Variants in KIF4A observed in about 807,000 individuals in gnomAD.
The protein encoded by KIF4A is kinesin family member 4A.
KIF4A carries 7 observed loss-of-function variants against 105.9 expected under a neutral mutation model. The observed-to-expected ratio is 0.07, with a 90% confidence interval of 0.04 to 0.12. The LOEUF (loss-of-function observed/expected upper bound fraction) is 0.12, where lower values mean the gene tolerates loss of function less well. KIF4A is among the 10% of genes least tolerant of loss of function. The probability of loss-of-function intolerance (pLI) is 1.00; values close to 1 mark genes in which losing one functional copy is unlikely to be tolerated. For synonymous variants in KIF4A, 281 were observed against 331.3 expected (o/e 0.85, Z 1.65); for missense variants, 558 against 929.2 (o/e 0.60, Z 5.19).
At chrX:70,299,454 T>C (rs1371349578) in intron 5 of KIF4A, among the ~76,000 whole-genome samples, 1 of 111,485 alleles carries the variant, frequency 9.0e-6, no homozygotes, top group African/African-American at 3.3e-5. Flanking sequence ...TTAAATATTA[T>C]TTACAGAGTT....
At chrX:70,332,421 C>A (rs984058223) in intron 9 of KIF4A, among the ~76,000 whole-genome samples, 1 of 111,643 alleles carries the variant, frequency 9.0e-6, no homozygotes, top group African/African-American at 3.3e-5. Context: ...TGGTGACATG[C>A]AGCTCGTTTG....
intron 22 of KIF4A, chrX:70,396,513 T>G (rs1446229782): frequency 8.8e-6 from 1 of 113,590 alleles, no homozygotes; most frequent in Non-Finnish European, 1.8e-5. Flanking sequence ...CCATGCTTTT[T>G]ACAATACAGC....
chrX:70,297,428 A>T (rs1459732008), intron 4 of KIF4A, among the ~76,000 whole-genome samples: 4 of 112,223 alleles, frequency 3.6e-5, no homozygotes, highest in Non-Finnish European at 1.9e-5. Flanking sequence ...GGTGATAGGA[A>T]TTCTTTAATT....
At chrX:70,321,937 C>G (rs2085891903) in intron 7 of KIF4A, among the ~76,000 whole-genome samples, 1 of 110,622 alleles carries the variant, frequency 9.0e-6, no homozygotes, top group Non-Finnish European at 1.9e-5. Context: ...CTCTGTGATG[C>G]TACCCTCTCC....
chrX:70,313,312 C>T (rs112118049), intron 7 of KIF4A, among the ~76,000 whole-genome samples: 1 of 111,973 alleles, frequency 8.9e-6, no homozygotes, highest in Non-Finnish European at 1.9e-5. Flanking sequence ...GTTTTCCATC[C>T]CTATCTTACA....
At chrX:70,370,204 A>T (rs973475033) in intron 15 of KIF4A, among the ~76,000 whole-genome samples, 1 of 110,796 alleles carries the variant, frequency 9.0e-6, no homozygotes, top group Admixed American at 9.7e-5. Context: ...CTCAGAATGT[A>T]TTCCTGTTAT....
Position 70,407,063 on chromosome X carries a change from G to A in KIF4A, c.3243G>A (p.Lys1081=), listed in dbSNP as rs2086303127. 1 of 1,190,147 alleles carries A rather than the reference G, an allele frequency of 8.4e-7. No individual in the cohort carries two copies. Among genetic ancestry groups the A allele is most frequent in the Admixed American group, 2.3e-5 (1 of 42,792 alleles). ...CAAAATTAGTTAAGGTGTCCAGGAA[G>A]AACATCCAAGGGGTAGGAGCCAGCT... The part of the protein sequence containing the change: ...KPTKLVKVSR[K]NIQGCSCKGW... The change falls in exon 28 of 31, where the codon AAG becomes AAA. Residue 1081 remains lysine (K), a synonymous_variant. Transcript: ENST00000374403.
intron 15 of KIF4A, among the ~76,000 whole-genome samples, chrX:70,366,064 G>A (rs1203799938): frequency 9.0e-6 from 1 of 111,706 alleles, no homozygotes; most frequent in African/African-American, 3.3e-5. Flanking sequence ...ATGGTAGTTT[G>A]TATTTCTGTG....
At chrX:70,371,956 C>A (rs1468630599) in intron 15 of KIF4A, among the ~76,000 whole-genome samples, 3 of 106,654 alleles carry the variant, frequency 2.8e-5, no homozygotes, top group Admixed American at 9.8e-5. Flanking sequence ...CGCTCCTCAC[C>A]TCCCAGACGG....
chrX:70,366,029 A>G (rs1199399), intron 15 of KIF4A, among the ~76,000 whole-genome samples: 13,951 of 111,069 alleles, frequency 0.13, 1,424 homozygotes, highest in African/African-American at 0.34. Flanking sequence ...GTTTATTTGC[A>G]TAGAGGTGTT....
intron 13 of KIF4A, among the ~76,000 whole-genome samples, chrX:70,350,893 T>C (rs1345323988): frequency 8.9e-6 from 1 of 111,985 alleles, no homozygotes; most frequent in Non-Finnish European, 1.9e-5. Flanking sequence ...TCCCAGGGCT[T>C]TGAAGAATCA....
intron 10 of KIF4A, among the ~76,000 whole-genome samples, chrX:70,338,021 A>G (rs1490850873): frequency 9.0e-6 from 1 of 111,625 alleles, no homozygotes; most frequent in Non-Finnish European, 1.9e-5. Flanking sequence ...GGTGTGTGTT[A>G]CAGATAATTT....
chrX:70,399,636 ATTTTAATATGAG>A (rs2086272846), intron 22 of KIF4A, among the ~76,000 whole-genome samples: 1 of 109,220 alleles, frequency 9.2e-6, no homozygotes, highest in African/African-American at 3.3e-5. Context: ...AGACTGATGA[ATTTTAATATGAG>A]AGAATATAAA....
At chrX:70,369,736 C>CAT (rs746184155) in intron 15 of KIF4A, among the ~76,000 whole-genome samples, 84 of 110,259 alleles carry the variant, frequency 7.6e-4, no homozygotes, top group Non-Finnish European at 1.1e-3. Context: ...TACAGAATAA[C>CAT]ATATATATAT....
At chrX:70,296,082 G>A (rs866387311) in intron 3 of KIF4A, among the ~76,000 whole-genome samples, 1 of 33,395 alleles carries the variant, frequency 3.0e-5, no homozygotes, top group Non-Finnish European at 5.1e-5. Flanking sequence ...AATAAATGAT[G>A]CTTTTTTTTT....
At chrX:70,348,277 C>G (rs2086002433) in intron 13 of KIF4A, among the ~76,000 whole-genome samples, 4 of 111,104 alleles carry the variant, frequency 3.6e-5, no homozygotes, top group Admixed American at 2.9e-4. Context: ...GACCTTGTCT[C>G]TACAAAAAAA....
rs972485923 is a variant in KIF4A, at chrX:70,388,259, C to G, written c.2232+962C>G. ...TTTTATTGCTGAGTGGCATCCCATT[C>G]ATTGTATGGCTATACCATAATTTGT... On this transcript the variant is annotated intron_variant, in intron 20 of 30. Transcript: ENST00000374403. 4.5e-5 allele frequency among the ~76,000 whole-genome samples: 5 copies of G among 111,793 alleles called. No individual in the cohort carries two copies. The South Asian group carries it at 1.9e-3, about 42-fold the overall frequency.
chrX:70,397,644 T>C (rs1378915135), intron 22 of KIF4A, among the ~76,000 whole-genome samples: 1 of 112,183 alleles, frequency 8.9e-6, no homozygotes, highest in East Asian at 2.8e-4. Flanking sequence ...ATGATTATTT[T>C]AAGCAGTTTA....
chrX:70,419,884 T>A, intron 30 of KIF4A, 101 bp downstream of exon 30: 2 of 1,110,357 alleles, frequency 1.8e-6, no homozygotes, highest in Non-Finnish European at 2.5e-6. Flanking sequence ...AGTAAAGGTG[T>A]AATCAGCTTG....
Sources: gnomAD v4.1 joint callset for allele counts (sites outside exome capture counted in the v4.1 genomes callset) on GRCh38, gnomAD v4.1.1 for gene constraint, MANE v1.5 for transcripts, NCBI Gene and HGNC (gene_info 2026-07-23, HGNC 2026-07-21) for gene names.